The following MROH2B variants were observed in gnomAD, a reference collection of about 807,000 sequenced individuals.
MROH2B encodes maestro heat like repeat family member 2B.
Under a neutral mutation model 208.6 loss-of-function variants are expected in MROH2B, and 177 were observed. The observed-to-expected ratio is 0.85, with a 90% CI of 0.75 to 0.96. MROH2B has a LOEUF of 0.96. Among genes scored for constraint, MROH2B ranks in the 40% least tolerant of loss-of-function variants. The probability of loss-of-function intolerance (pLI) is 0.00; values close to 1 mark genes in which losing one functional copy is unlikely to be tolerated. For synonymous variants in MROH2B, 728 were observed against 659.0 expected (o/e 1.10, Z -1.60); for missense variants, 2,002 against 1,878.7 (o/e 1.07, Z -1.21).
Position 41,052,592 on chromosome 5 carries a change from G to T in MROH2B, c.1108-5C>A, listed in dbSNP as rs75061969. ...GAGAAGAACAGAATTTCTTACCTAG[G>T]GTAAGAACAATGCAATAGCAACATT... On this transcript the variant is annotated splice_polypyrimidine_tract_variant and splice_region_variant and intron_variant, in intron 11 of 41. Coordinates refer to ENST00000399564, the MANE Select transcript of MROH2B (RefSeq NM_173489.5). The T allele has an allele frequency of 1.9e-6, 3 of 1,604,334 alleles. No individual in the cohort carries two copies. The highest frequency in any genetic ancestry group is 2.6e-6 in the Non-Finnish European group (3 of 1,174,860).
rs755725402 is a variant in MROH2B, at chr5:41,018,813, C to T, written c.2578-27G>A. The T allele has an allele frequency of 1.9e-5, 30 of 1,613,548 alleles. No homozygotes were observed. In the Admixed American group the frequency reaches 4.8e-4, roughly 26 times the overall value. ...TGAAATCAAATATGTGTGTGTGAGT[C>T]TCAGGCTGGGGTGAGAGAGTAAGGC... On this transcript the variant is annotated intron_variant, in intron 25 of 41. Coordinates refer to ENST00000399564, the MANE Select transcript of MROH2B (RefSeq NM_173489.5).
intron 7 of MROH2B, 138 bp downstream of exon 7, chr5:41,057,925 T>C (rs1020067459): frequency 3.1e-5 from 22 of 706,480 alleles, no homozygotes; most frequent in Middle Eastern, 4.5e-4. Flanking sequence ...TTTTCCTACC[T>C]CATATTCCTC....
Position 41,050,995 on chromosome 5 carries a change from CAG to C in MROH2B, c.1324_1325del (p.Leu442GlyfsTer30). ...SLEVLKTLDPLVIGMPQVLWP... is the reference protein window; with the variant it reads ...SLEVLKTLDPXVIGMPQVLWP... ...CACTTACCTGAGGCATTCCAATGAC[CAG>C]TGGGTCCAGGGTTTTTAAGACCTCA... On this transcript the variant is annotated frameshift_variant, in exon 13 of 42. Transcript: ENST00000399564. LOFTEE classifies it high-confidence loss of function. 6.4e-7 allele frequency: 1 copy of C among 1,572,222 alleles called. No homozygotes were observed. Among genetic ancestry groups the C allele is most frequent in the Admixed American group, 1.9e-5 (1 of 51,952 alleles).
At position 41,032,727 on chromosome 5, in the gene MROH2B, C is replaced by G. The variant is rs1252403687; in HGVS notation, c.2441+15G>C. 4.4e-6 allele frequency: 7 copies of G among 1,606,698 alleles called. No individual in the cohort carries two copies. Among genetic ancestry groups the G allele is most frequent in the Non-Finnish European group, 5.1e-6 (6 of 1,175,198 alleles). ...GAAAATACTTTTTCAATGAAAACAA[C>G]TAAAAATTATCTACCTGAGATACCT... On this transcript the variant is annotated intron_variant, in intron 24 of 41. Coordinates refer to ENST00000399564, the MANE Select transcript of MROH2B (RefSeq NM_173489.5).
At chr5:41,068,537 A>G (rs1164012767) in intron 2 of MROH2B, among the ~76,000 whole-genome samples, 1 of 152,230 alleles carries the variant, frequency 6.6e-6, no homozygotes, top group East Asian at 1.9e-4. Flanking sequence ...TACTGATGCT[A>G]CAATTTGAAA....
At chr5:40,998,840 A>C (rs1350056173) in intron 40 of MROH2B, among the ~76,000 whole-genome samples, 163 bp from the exon 41 acceptor site, 2 of 152,170 alleles carry the variant, frequency 1.3e-5, no homozygotes, top group African/African-American at 4.8e-5. Flanking sequence ...TGTCAGGGTG[A>C]CTTCTATTGG....
At chr5:41,036,875 G>A (rs1407467135) in intron 21 of MROH2B, among the ~76,000 whole-genome samples, 1 of 152,096 alleles carries the variant, frequency 6.6e-6, no homozygotes, top group Non-Finnish European at 1.5e-5. Flanking sequence ...TAAAAAGAGT[G>A]TATCACTGAT....
At position 41,000,303 on chromosome 5, in the gene MROH2B, C is replaced by T. The variant is rs199956857; in HGVS notation, c.4399G>A (p.Glu1467Lys). 33 of 1,613,726 alleles carry T rather than the reference C, an allele frequency of 2.0e-5. No individual in the cohort carries two copies. The African/African-American group carries it at 3.1e-4, about 15-fold the overall frequency. ...AGACGGTCTAATACCCCATAGAGCT[C>T]CTGGAGGCCCAAAAAGGGAATGCAG... ...MVCIPFLGLQ[E>K]LYGVLDRLLD... The change falls in exon 39 of 42, where the codon GAG (glutamate) becomes AAG (lysine). Residue 1467 changes from glutamate to lysine, a missense_variant. Transcript: ENST00000399564.
rs1165495453 is a variant in MROH2B, at chr5:41,007,380, C to T, written c.3683G>A (p.Gly1228Glu). ...REGLAKESDE[G>E]DNLWTLLSSP... ...GCTGAGTAGAGTCCATAAGTTGTCC[C>T]CCTCATCAGATTCCTTTGCAAGGCC... Residue 1228 changes from glycine to glutamate, a missense_variant, in exon 34 of 42, where the codon GGG (glycine) becomes GAG (glutamate). By Grantham distance (98) the Gly-to-Glu change is moderately conservative. Coordinates refer to ENST00000399564, the MANE Select transcript of MROH2B (RefSeq NM_173489.5). 1 of 1,551,958 alleles carries T rather than the reference C, an allele frequency of 6.4e-7. No homozygotes were observed. The highest frequency in any genetic ancestry group is 2.0e-5 in the Admixed American group (1 of 50,704).
In MROH2B at chr5:41,063,550, T is replaced by G. The variant is rs190452957; in HGVS notation, c.460+922A>C. ...CTCAATATATATCAGATAAAAATATTACTTTGATGACAGAACAAGAAGAAA... is the reference window on the plus strand; with the variant it reads ...CTCAATATATATCAGATAAAAATATGACTTTGATGACAGAACAAGAAGAAA... On this transcript the variant is annotated intron_variant, in intron 5 of 41. Transcript: ENST00000399564. 2.9e-3 allele frequency among the ~76,000 whole-genome samples: 439 copies of G among 152,304 alleles called. 6 individuals are homozygous for G. The highest frequency in any genetic ancestry group is 9.9e-3 in the African/African-American group (413 of 41,558).
At chr5:41,017,381 C>T (rs570345775) in intron 28 of MROH2B, among the ~76,000 whole-genome samples, 2 of 152,174 alleles carry the variant, frequency 1.3e-5, no homozygotes, top group African/African-American at 4.8e-5. Context: ...GCACTTAGTA[C>T]CACGATAATA....
At chr5:41,069,633 G>A (rs564681425) in intron 2 of MROH2B, 58 bp downstream of exon 2, 9 of 1,341,698 alleles carry the variant, frequency 6.7e-6, no homozygotes, top group Admixed American at 6.1e-5. Context: ...AAATATATAC[G>A]AAATGTTGCA....
intron 29 of MROH2B, among the ~76,000 whole-genome samples, chr5:41,014,986 T>C (rs567771884): frequency 2.0e-5 from 3 of 152,362 alleles, no homozygotes; most frequent in African/African-American, 4.8e-5. Flanking sequence ...GGTAAATGAA[T>C]GCATGACTGA....
chr5:41,014,551 C>G (rs575492256), intron 29 of MROH2B, among the ~76,000 whole-genome samples: 1 of 152,056 alleles, frequency 6.6e-6, no homozygotes, highest in Non-Finnish European at 1.5e-5. Flanking sequence ...CAAACCTGCA[C>G]GTTGTAAACA....
chr5:41,030,076 G>A (rs1742512625), intron 24 of MROH2B, among the ~76,000 whole-genome samples: 1 of 149,146 alleles, frequency 6.7e-6, no homozygotes, highest in Non-Finnish European at 1.5e-5. Flanking sequence ...AGAGGTTAAT[G>A]TCCAGAATAA....
At chr5:41,064,445 CA>C in intron 5 of MROH2B, 26 bp downstream of exon 5, 1 of 1,596,250 alleles carries the variant, frequency 6.3e-7, no homozygotes, top group Non-Finnish European at 8.6e-7. Flanking sequence ...GGTTTTTAAG[CA>C]AAAAGGAAAT....
intron 4 of MROH2B, 93 bp from the exon 5 acceptor site, chr5:41,064,663 G>T (rs1453979273): frequency 9.3e-6 from 8 of 858,904 alleles, no homozygotes; most frequent in African/African-American, 1.7e-5. Flanking sequence ...TTTCAGGGCT[G>T]CACGGAGGAG....
chr5:41,018,044 C>T, intron 27 of MROH2B, 74 bp from the exon 28 acceptor site: 16 of 1,489,116 alleles, frequency 1.1e-5, no homozygotes, highest in African/African-American at 1.4e-5. Flanking sequence ...AACACTGGAT[C>T]TCAAGTCTCT....
In MROH2B at chr5:41,061,744, C is replaced by A. The variant is rs1453019985; in HGVS notation, c.461-20G>T. ...CAAGGGCTGCATTTAAAACACACAA[C>A]CACAGACTGAGAAAAATATAAGGAT... On this transcript the variant is annotated intron_variant, in intron 5 of 41. Coordinates refer to ENST00000399564, the MANE Select transcript of MROH2B (RefSeq NM_173489.5). The A allele has an allele frequency of 1.2e-6, 2 of 1,606,944 alleles. No individual in the cohort carries two copies. Among genetic ancestry groups the A allele is most frequent in the Non-Finnish European group, 1.7e-6 (2 of 1,176,584 alleles).
Sources: allele counts gnomAD v4.1 joint callset (sites outside exome capture counted in the v4.1 genomes callset), GRCh38; gene constraint gnomAD v4.1.1; transcripts MANE v1.5; gene names NCBI Gene and HGNC (gene_info 2026-07-23, HGNC 2026-07-21).